The following CSMD1 variants were observed in gnomAD, a reference collection of about 807,000 sequenced individuals.
The protein encoded by CSMD1 is CUB and sushi domain-containing protein 1.
CSMD1 carries 213 observed loss-of-function variants against 417.5 expected under a neutral mutation model. That is an observed-to-expected ratio of 0.51 (90% CI 0.46 to 0.57). The LOEUF is 0.57. CSMD1 is among the 20% of genes least tolerant of loss of function. The pLI, the probability that CSMD1 is intolerant of heterozygous loss-of-function variation, is 0.00. For missense variants in CSMD1, 6,923 were observed against 4,529.7 expected (o/e 1.53, Z -15.17); for synonymous variants, 2,862 against 1,736.8 (o/e 1.65, Z -16.11).
At chr8:4,310,668 G>T (rs111488700) in intron 3 of CSMD1, among the ~76,000 whole-genome samples, 4 of 152,002 alleles carry the variant, frequency 2.6e-5, no homozygotes, top group African/African-American at 9.7e-5. Context: ...AAAATTTAGG[G>T]GTGGCAAAAC....
rs192973967 is a variant in CSMD1, at chr8:4,623,797, T to C, written c.302+13545A>G. Among the ~76,000 whole-genome samples, 11 of 152,092 alleles carry C rather than the reference T, an allele frequency of 7.2e-5. No homozygotes were observed. In the South Asian group the frequency reaches 8.3e-4, roughly 11 times the overall value. Reference sequence around the variant, plus strand: ...ATAATATTTCAAAAAAGCAAACTAATTCATAGTGACAGAAAACAGTTCAGT... The same window carrying C: ...ATAATATTTCAAAAAAGCAAACTAACTCATAGTGACAGAAAACAGTTCAGT... On this transcript the variant is annotated intron_variant, in intron 2 of 69. Transcript: ENST00000635120.
At chr8:4,705,902 T>G (rs1807907779) in intron 1 of CSMD1, among the ~76,000 whole-genome samples, 1 of 152,118 alleles carries the variant, frequency 6.6e-6, no homozygotes, top group Non-Finnish European at 1.5e-5. Flanking sequence ...GAAAAATAGT[T>G]TAACTAGGTC....
chr8:4,506,997 T>A (rs1802559521), intron 2 of CSMD1, among the ~76,000 whole-genome samples: 1 of 152,180 alleles, frequency 6.6e-6, no homozygotes, highest in Non-Finnish European at 1.5e-5. Context: ...GTGAAGGAAT[T>A]CCTAAGAATG....
chr8:3,845,449 G>C (rs149790650), intron 5 of CSMD1, among the ~76,000 whole-genome samples: 1 of 152,110 alleles, frequency 6.6e-6, no homozygotes, highest in Non-Finnish European at 1.5e-5. Flanking sequence ...TCTAACCACA[G>C]AAAAGGTACA....
chr8:3,652,883 C>G (rs1199979495), intron 7 of CSMD1, among the ~76,000 whole-genome samples: 1 of 152,102 alleles, frequency 6.6e-6, no homozygotes, highest in East Asian at 1.9e-4. Context: ...AGTCAGCACT[C>G]AATACATATT....
chr8:3,633,954 T>A (rs910247193), intron 7 of CSMD1, among the ~76,000 whole-genome samples: 6 of 152,122 alleles, frequency 3.9e-5, no homozygotes, highest in Non-Finnish European at 8.8e-5. Flanking sequence ...TTCAAGTGGA[T>A]TCAGTATGAA....
intron 2 of CSMD1, among the ~76,000 whole-genome samples, chr8:4,497,683 G>A (rs1346025913): frequency 1.3e-5 from 2 of 152,114 alleles, no homozygotes; most frequent in East Asian, 1.9e-4. Flanking sequence ...CCAATTAAAG[G>A]GAAGGCAGAG....
intron 49 of CSMD1, among the ~76,000 whole-genome samples, chr8:3,060,664 G>T (rs1585251385): frequency 6.6e-6 from 1 of 152,132 alleles, no homozygotes; most frequent in Non-Finnish European, 1.5e-5. Context: ...AAACAATCAG[G>T]TATTTCAAAT....
intron 1 of CSMD1, among the ~76,000 whole-genome samples, chr8:4,968,591 C>T (rs1810032131): frequency 6.6e-6 from 1 of 152,062 alleles, no homozygotes; most frequent in Non-Finnish European, 1.5e-5. Context: ...AGGAGACTCT[C>T]CATAATCAGA....
intron 3 of CSMD1, among the ~76,000 whole-genome samples, chr8:4,250,347 G>A (rs4404937): frequency 0.15 from 23,221 of 152,124 alleles, 2,248 homozygotes; most frequent in Non-Finnish European, 0.21. Flanking sequence ...AAGACAGAAT[G>A]TGTGTCCCCT....
rs535513862 is a variant in CSMD1 at position 4,458,170 on chromosome 8, A to G, written c.303-38105T>C. Among the ~76,000 whole-genome samples, 181 of 152,284 alleles carry G rather than the reference A, an allele frequency of 1.2e-3. 2 individuals carry two copies. The South Asian group carries it at 0.014, about 12-fold the overall frequency. ...TGCTGTCTTGAGTGGATGCTGATTAATATACTAAATATCAAAATGATACTA... is the reference window on the plus strand; with the variant it reads ...TGCTGTCTTGAGTGGATGCTGATTAGTATACTAAATATCAAAATGATACTA... On this transcript the variant is annotated intron_variant, in intron 2 of 69. Transcript: ENST00000635120.
intron 1 of CSMD1, among the ~76,000 whole-genome samples, chr8:4,699,828 A>G (rs1807397492): frequency 6.6e-6 from 1 of 152,264 alleles, no homozygotes; most frequent in South Asian, 2.1e-4. Context: ...TTGCCGATGC[A>G]GAGAGTACAA....
At chr8:4,592,970 T>C (rs945162402) in intron 2 of CSMD1, among the ~76,000 whole-genome samples, 1 of 152,224 alleles carries the variant, frequency 6.6e-6, no homozygotes, top group Non-Finnish European at 1.5e-5. Flanking sequence ...TCTATATGTG[T>C]TTTCTCAGGC....
In CSMD1 at chr8:3,724,252, G is replaced by T. The variant is rs1452696960; in HGVS notation, c.932-15761C>A. On this transcript the variant is annotated intron_variant, in intron 6 of 69. Transcript: ENST00000635120. The stretch of plus-strand genomic sequence containing the variant: ...TAGGGTACATGTGCACATTGTGCAG[G>T]TTAGTTACATATGTATACATGTGCC... 4.6e-5 allele frequency among the ~76,000 whole-genome samples: 7 copies of T among 151,718 alleles called. No individual in the cohort carries two copies. The East Asian group carries it at 1.2e-3, about 25-fold the overall frequency.
intron 49 of CSMD1, among the ~76,000 whole-genome samples, chr8:3,068,765 A>C (rs1158315747): frequency 6.6e-6 from 1 of 152,198 alleles, no homozygotes; most frequent in East Asian, 1.9e-4. Context: ...ACTATCATGA[A>C]GACAGCAATA....
intron 7 of CSMD1, among the ~76,000 whole-genome samples, chr8:3,689,876 C>T (rs1800145964): frequency 6.6e-6 from 1 of 152,188 alleles, no homozygotes; most frequent in South Asian, 2.1e-4. Flanking sequence ...TTTCCTCCAG[C>T]ATTTCATAGG....
intron 1 of CSMD1, among the ~76,000 whole-genome samples, chr8:4,641,747 G>C (rs1490547471): frequency 1.3e-5 from 2 of 152,030 alleles, no homozygotes; most frequent in Non-Finnish European, 2.9e-5. Flanking sequence ...AAATACCTTA[G>C]ATCACAAAAT....
chr8:4,438,842 T>C lies in CSMD1; in HGVS notation c.303-18777A>G, dbSNP rs139276249. ...ATCTAATTCTCAAAATTGAAAGGTG[T>C]ATTATCTGAATCTGTATCACGTTCC... On this transcript the variant is annotated intron_variant, in intron 2 of 69. Coordinates refer to ENST00000635120, the MANE Select transcript of CSMD1 (RefSeq NM_033225.6). 1.3e-3 allele frequency among the ~76,000 whole-genome samples: 194 copies of C among 152,310 alleles called. 6 individuals are homozygous for C. The East Asian group carries it at 0.034, about 26-fold the overall frequency.
In CSMD1 at chr8:4,361,965, A is replaced by AAAAT. The variant is rs535614689; in HGVS notation, c.415+57984_415+57987dup. Among the ~76,000 whole-genome samples, 652 of 151,960 alleles carry AAAAT rather than the reference A, an allele frequency of 4.3e-3. 4 individuals are homozygous for AAAAT. Among genetic ancestry groups the AAAAT allele is most frequent in the Middle Eastern group, 0.017 (5 of 294 alleles). ...GGGCAACACAGCAAGACTCCATCTC[A>AAAAT]AAATAAATAAATAAATAAATAAATA... On this transcript the variant is annotated intron_variant, in intron 3 of 69. Transcript: ENST00000635120.
Sources: gnomAD v4.1 joint callset for allele counts (sites outside exome capture counted in the v4.1 genomes callset) on GRCh38, gnomAD v4.1.1 for gene constraint, MANE v1.5 for transcripts, NCBI Gene and HGNC (gene_info 2026-07-23, HGNC 2026-07-21) for gene names.